CEP112: variants seen among roughly 807,000 people sequenced by gnomAD.
CEP112 encodes the protein centrosomal protein of 112 kDa.
Under a neutral mutation model 153.0 loss-of-function variants are expected in CEP112, and 127 were observed. The ratio of observed to expected loss-of-function variants is 0.83; its 90% confidence interval spans 0.72 to 0.96. The LOEUF is 0.96. Among genes scored for constraint, CEP112 ranks in the 40% least tolerant of loss-of-function variants. The pLI is 0.00. For missense variants in CEP112, 1,089 were observed against 1,101.2 expected, an observed-to-expected ratio of 0.99 and a Z score of 0.16; for synonymous variants, 358 against 374.4, an observed-to-expected ratio of 0.96 and a Z score of 0.51.
intron 1 of CEP112, among the ~76,000 whole-genome samples, chr17:66,186,193 A>C (rs2072926681): frequency 6.6e-6 from 1 of 152,126 alleles, no homozygotes; most frequent in South Asian, 2.1e-4. Context: ...CATGAGGCTC[A>C]ACGCTCCAAC....
At chr17:65,751,133 A>G (rs1567960512) in intron 21 of CEP112, 2 of 163,696 alleles carry the variant, frequency 1.2e-5, no homozygotes, top group Non-Finnish European at 1.3e-5. Flanking sequence ...TTAAAAAAAT[A>G]AAAGGAATAG....
chr17:65,725,772 T>C lies in CEP112; in HGVS notation c.2607+17296A>G, dbSNP rs187594608. ...AAACGGAAACCCCTGATAAACCCATTAGATCTTGTGAGACTTATTCATTAC... is the reference window on the plus strand; with the variant it reads ...AAACGGAAACCCCTGATAAACCCATCAGATCTTGTGAGACTTATTCATTAC... On this transcript the variant is annotated intron_variant, in intron 23 of 26. Transcript: ENST00000535342. Among the ~76,000 whole-genome samples the C allele has an allele frequency of 3.8e-3, 579 of 152,242 alleles. 2 individuals carry two copies. Among genetic ancestry groups the C allele is most frequent in the Non-Finnish European group, 6.2e-3 (424 of 68,012 alleles).
At chr17:65,884,663 C>T (rs919209257) in intron 20 of CEP112, among the ~76,000 whole-genome samples, 16 of 148,808 alleles carry the variant, frequency 1.1e-4, no homozygotes, top group Non-Finnish European at 3.0e-5. Flanking sequence ...TATACATATT[C>T]GGAATTTATT....
chr17:65,839,208 A>AC, intron 21 of CEP112, among the ~76,000 whole-genome samples: 1 of 152,012 alleles, frequency 6.6e-6, no homozygotes, highest in East Asian at 1.9e-4. Context: ...CACACACACA[A>AC]AGAAAACTAG....
At chr17:65,852,238 C>T in intron 20 of CEP112, among the ~76,000 whole-genome samples, 1 of 15,648 alleles carries the variant, frequency 6.4e-5, no homozygotes, top group Non-Finnish European at 1.5e-4. Flanking sequence ...CTCTCCCTTC[C>T]TTCCTTCCTT....
chr17:66,022,321 A>C (rs1290283925), intron 16 of CEP112, among the ~76,000 whole-genome samples: 2 of 152,232 alleles, frequency 1.3e-5, no homozygotes, highest in Non-Finnish European at 2.9e-5. Context: ...CACCATAATA[A>C]TACCAGAAGT....
rs185233038 is a variant in CEP112, at chr17:65,721,105, G to A, written c.2607+21963C>T. 8.2e-4 allele frequency among the ~76,000 whole-genome samples: 123 copies of A among 150,106 alleles called. 1 individual carries two copies. The highest frequency in any genetic ancestry group is 1.3e-3 in the Non-Finnish European group (86 of 67,706). On this transcript the variant is annotated intron_variant, in intron 23 of 26. Coordinates refer to ENST00000535342, the MANE Select transcript of CEP112 (RefSeq NM_001199165.4). ...CGGCTCACTGCAAGCTTCGCCTCCC[G>A]GGTTCATGCCATTCTCCTGCCTCAG... is the stretch of plus-strand genomic sequence containing the variant.
intron 1 of CEP112, among the ~76,000 whole-genome samples, chr17:66,188,482 C>G (rs1236367205): frequency 2.0e-5 from 3 of 146,618 alleles, no homozygotes; most frequent in Non-Finnish European, 4.5e-5. Context: ...AAATGCAGCT[C>G]AAATGTCACC....
chr17:65,744,416 T>C (rs1432751447), intron 22 of CEP112, among the ~76,000 whole-genome samples: 7 of 151,990 alleles, frequency 4.6e-5, no homozygotes, highest in African/African-American at 1.7e-4. Flanking sequence ...CCTGGCTAAT[T>C]TTTGTATTTT....
intron 23 of CEP112, among the ~76,000 whole-genome samples, chr17:65,740,659 C>T (rs2051076541): frequency 6.6e-6 from 1 of 152,190 alleles, no homozygotes; most frequent in Admixed American, 6.5e-5. Context: ...AGTTCATCAT[C>T]AACCCAGAAG....
intron 14 of CEP112, among the ~76,000 whole-genome samples, chr17:66,028,780 G>T (rs1399818476): frequency 6.6e-6 from 1 of 151,808 alleles, no homozygotes; most frequent in Non-Finnish European, 1.5e-5. Context: ...GCAGAACCAA[G>T]ATTTCAAAAC....
intron 10 of CEP112, among the ~76,000 whole-genome samples, chr17:66,063,514 G>C (rs149899978): frequency 2.0e-5 from 3 of 152,114 alleles, no homozygotes; most frequent in Non-Finnish European, 4.4e-5. Flanking sequence ...GTGGAAAAGG[G>C]GGTGTGGGCT....
chr17:65,937,810 C>T lies in CEP112; in HGVS notation c.1873-10121G>A, dbSNP rs1470541667. Among the ~76,000 whole-genome samples the T allele has an allele frequency of 2.3e-4, 23 of 101,982 alleles. 3 individuals are homozygous for T. Among genetic ancestry groups the T allele is most frequent in the South Asian group, 6.0e-4 (1 of 1,654 alleles). 66.9% of individuals were successfully genotyped at this position (101,982 alleles called of 152,430 possible). A position where few individuals can be genotyped will look rare whatever the true frequency, so the allele number is the denominator to read the frequency against. ...AGGGGGGTGGGGGGGGTCAGCCCCC[C>T]GCCCGGCCAGCCGCCCCGTCCGGGA... On this transcript the variant is annotated intron_variant, in intron 18 of 26. Transcript: ENST00000535342.
chr17:65,975,198 T>C (rs73992189), intron 17 of CEP112, among the ~76,000 whole-genome samples: 8,897 of 152,170 alleles, frequency 0.058, 352 homozygotes, highest in South Asian at 0.12. Context: ...GGTCTATCAA[T>C]TGAAAAACCG....
intron 10 of CEP112, among the ~76,000 whole-genome samples, chr17:66,066,521 T>C (rs181340249): frequency 3.5e-3 from 540 of 152,170 alleles, no homozygotes; most frequent in Non-Finnish European, 5.7e-3. Context: ...CTTCCAACTC[T>C]GTATCTAAAC....
chr17:66,164,863 T>A (rs9891543), intron 4 of CEP112, among the ~76,000 whole-genome samples: 74,193 of 147,238 alleles, frequency 0.5, 20,622 homozygotes, highest in Non-Finnish European at 0.65. Flanking sequence ...TCAAAAAAAA[T>A]ATATATATAT....
intron 17 of CEP112, among the ~76,000 whole-genome samples, chr17:65,971,284 C>T (rs1481659246): frequency 1.3e-5 from 2 of 152,188 alleles, no homozygotes; most frequent in African/African-American, 4.8e-5. Context: ...AGCACATGCA[C>T]ATAACAAATA....
chr17:65,806,178 C>T (rs2055585460), intron 21 of CEP112, among the ~76,000 whole-genome samples: 1 of 152,112 alleles, frequency 6.6e-6, no homozygotes, highest in Admixed American at 6.6e-5. Context: ...GTACTGGTGC[C>T]TAAAACATGC....
At chr17:66,169,543 C>G (rs2072156588) in intron 4 of CEP112, among the ~76,000 whole-genome samples, 1 of 152,040 alleles carries the variant, frequency 6.6e-6, no homozygotes, top group South Asian at 2.1e-4. Context: ...CCTGGCCTCC[C>G]AAAGAGCTGG....
Sources: gnomAD v4.1 joint callset for allele counts (sites outside exome capture counted in the v4.1 genomes callset) on GRCh38, gnomAD v4.1.1 for gene constraint, MANE v1.5 for transcripts, NCBI Gene and HGNC (gene_info 2026-07-23, HGNC 2026-07-21) for gene names.